FOXN3: variants seen among roughly 807,000 people sequenced by gnomAD.
FOXN3 encodes forkhead box protein N3.
Under a neutral mutation model 38.4 loss-of-function variants are expected in FOXN3, and 7 were observed. The ratio of observed to expected loss-of-function variants is 0.18; its 90% CI spans 0.10 to 0.34. The LOEUF (loss-of-function observed/expected upper bound fraction) is 0.34. FOXN3 is among the 10% of genes least tolerant of loss of function. The pLI is 1.00. For missense variants in FOXN3, 456 were observed against 613.4 expected, an observed-to-expected ratio of 0.74 and a Z score of 2.71; for synonymous variants, 230 against 242.2, an observed-to-expected ratio of 0.95 and a Z score of 0.47.
chr14:89,264,595 G>A (rs976444724), intron 4 of FOXN3, among the ~76,000 whole-genome samples: 2 of 152,094 alleles, frequency 1.3e-5, no homozygotes, highest in African/African-American at 4.8e-5. Flanking sequence ...CTTGGCTGGG[G>A]CAACATACAG....
chr14:89,316,251 C>T (rs190369289), intron 3 of FOXN3, among the ~76,000 whole-genome samples: 117 of 152,276 alleles, frequency 7.7e-4, no homozygotes, highest in East Asian at 4.1e-3. Flanking sequence ...GAGACAGGCC[C>T]CAGCTGTCCC....
At chr14:89,296,387 G>T (rs970611228) in intron 3 of FOXN3, among the ~76,000 whole-genome samples, 1 of 152,176 alleles carries the variant, frequency 6.6e-6, no homozygotes. Flanking sequence ...ACTGCTTAAT[G>T]GGCCCTGATT....
At chr14:89,256,187 G>C (rs1885614210) in intron 4 of FOXN3, among the ~76,000 whole-genome samples, 1 of 152,130 alleles carries the variant, frequency 6.6e-6, no homozygotes, top group South Asian at 2.1e-4. Flanking sequence ...CATTTTCAAG[G>C]GGAAAATCGA....
chr14:89,566,974 A>G (rs1314475916), intron 1 of FOXN3, among the ~76,000 whole-genome samples: 1 of 152,024 alleles, frequency 6.6e-6, no homozygotes, highest in Non-Finnish European at 1.5e-5. Context: ...GGGAGGAGAA[A>G]AGGAGGAAAA....
upstream of FOXN3, chr14:89,417,498 A>C (rs1419475640): frequency 6.5e-6 from 1 of 154,630 alleles, no homozygotes; most frequent in African/African-American, 2.4e-5. Flanking sequence ...CCCGCGACCC[A>C]GGGCGGCCGC....
At chr14:89,511,043 G>A (rs559226809) in intron 1 of FOXN3, among the ~76,000 whole-genome samples, 43 of 152,092 alleles carry the variant, frequency 2.8e-4, no homozygotes, top group Non-Finnish European at 5.3e-4. Flanking sequence ...CAATGCAGGC[G>A]TTCATGAGTG....
rs138758011 is a variant in FOXN3 at position 89,223,723 on chromosome 14, C to T, written c.746-42917G>A. On this transcript the variant is annotated intron_variant, in intron 4 of 5. Coordinates refer to ENST00000557258, the MANE Select transcript of FOXN3 (RefSeq NM_005197.4). ...GGGGAAGAGACGTTTCCAAAGATCCCTGAGGTGTGGAAGTCAGGGGGAGAG... is the reference window on the plus strand; with the variant it reads ...GGGGAAGAGACGTTTCCAAAGATCCTTGAGGTGTGGAAGTCAGGGGGAGAG... 2.2e-4 allele frequency among the ~76,000 whole-genome samples: 33 copies of T among 152,294 alleles called. No homozygotes were observed. The East Asian group carries it at 6.2e-3, about 29-fold the overall frequency.
chr14:89,413,286 G>T lies in FOXN3; in HGVS notation c.-14-796C>A, dbSNP rs528611758. Among the ~76,000 whole-genome samples the T allele has an allele frequency of 7.2e-5, 11 of 152,202 alleles. No homozygotes were observed. The East Asian group carries it at 1.7e-3, about 24-fold the overall frequency. On this transcript the variant is annotated intron_variant, in intron 1 of 5. Transcript: ENST00000557258. ...CAATATGCTTGGTTTAAAACTGTTA[G>T]GTTTTAATTCCCCCCACAAACGAAC...
At chr14:89,399,981 C>T (rs559617674) in intron 2 of FOXN3, 54 of 152,306 alleles carry the variant, frequency 3.5e-4, no homozygotes, top group African/African-American at 1.3e-3. Flanking sequence ...CTCGCAGAAG[C>T]CATGGGTTAG....
At chr14:89,402,442 A>G (rs1891274108) in intron 2 of FOXN3, among the ~76,000 whole-genome samples, 1 of 152,166 alleles carries the variant, frequency 6.6e-6, no homozygotes, top group African/African-American at 2.4e-5. Context: ...TGCCTCCTAA[A>G]CATCTAGACC....
At chr14:89,461,040 G>A (rs1016945106) in intron 1 of FOXN3, among the ~76,000 whole-genome samples, 1 of 128,696 alleles carries the variant, frequency 7.8e-6, no homozygotes, top group East Asian at 2.4e-4. Flanking sequence ...AAAAAAAAAG[G>A]GGGGGGGAGG....
At chr14:89,294,390 C>T (rs988977056) in intron 3 of FOXN3, among the ~76,000 whole-genome samples, 2 of 152,076 alleles carry the variant, frequency 1.3e-5, no homozygotes, top group East Asian at 1.9e-4. Flanking sequence ...TCTCATACAC[C>T]GACTCTCCAT....
At chr14:89,592,858 C>G (rs1895986773) in intron 1 of FOXN3, among the ~76,000 whole-genome samples, 1 of 152,194 alleles carries the variant, frequency 6.6e-6, no homozygotes, top group South Asian at 2.1e-4. Context: ...TGGGCCAAAA[C>G]AGGCTTATAG....
intron 1 of FOXN3, among the ~76,000 whole-genome samples, chr14:89,513,212 C>G (rs560690720): frequency 1.3e-5 from 2 of 150,282 alleles, no homozygotes; most frequent in Admixed American, 1.3e-4. Context: ...CTTTCCCAAA[C>G]CACTTCCCAA....
intron 1 of FOXN3, among the ~76,000 whole-genome samples, chr14:89,541,842 T>C (rs1171944589): frequency 1.3e-5 from 2 of 152,130 alleles, no homozygotes; most frequent in Admixed American, 1.3e-4. Context: ...CTTTTTCACT[T>C]CTCTGGTTTC....
At chr14:89,299,674 C>T (rs560690025) in intron 3 of FOXN3, among the ~76,000 whole-genome samples, 2 of 152,274 alleles carry the variant, frequency 1.3e-5, no homozygotes, top group East Asian at 1.9e-4. Flanking sequence ...CCGTGCTGAC[C>T]CCAGAGAGGG....
chr14:89,330,829 G>GGGATT (rs1188320394), intron 3 of FOXN3, among the ~76,000 whole-genome samples: 6 of 152,292 alleles, frequency 3.9e-5, no homozygotes, highest in African/African-American at 1.4e-4. Context: ...CAGAATCAAG[G>GGGATT]CCACACTTGG....
chr14:89,482,873 G>A (rs976730337), intron 1 of FOXN3, among the ~76,000 whole-genome samples: 4 of 146,758 alleles, frequency 2.7e-5, no homozygotes, highest in African/African-American at 1.0e-4. Flanking sequence ...TCACACCACT[G>A]CACTCTAGCT....
At chr14:89,326,315 G>A (rs1888081632) in intron 3 of FOXN3, among the ~76,000 whole-genome samples, 1 of 152,172 alleles carries the variant, frequency 6.6e-6, no homozygotes, top group Non-Finnish European at 1.5e-5. Context: ...CATGAGGAAT[G>A]AATAAGACAC....
Sources: allele counts gnomAD v4.1 joint callset (sites outside exome capture counted in the v4.1 genomes callset), GRCh38; gene constraint gnomAD v4.1.1; transcripts MANE v1.5; gene names NCBI Gene and HGNC (gene_info 2026-07-23, HGNC 2026-07-21).